IL1RAPL1: variants seen among roughly 807,000 people sequenced by gnomAD.
IL1RAPL1 encodes the protein interleukin-1 receptor accessory protein-like 1.
IL1RAPL1 carries 3 observed loss-of-function variants against 48.4 expected under a neutral mutation model. The observed-to-expected ratio is 0.06, with a 90% CI of 0.03 to 0.16. IL1RAPL1 has a LOEUF of 0.16. IL1RAPL1 is among the 10% of genes least tolerant of loss of function. IL1RAPL1 has a pLI of 1.00. For missense variants in IL1RAPL1, 349 were observed against 530.6 expected (o/e 0.66, Z 3.36); for synonymous variants, 185 against 187.7 (o/e 0.99, Z 0.12).
Position 29,405,119 on chromosome X carries a change from G to A in IL1RAPL1, c.703+5811G>A, listed in dbSNP as rs866222263. Reference sequence around the variant, plus strand: ...AGTAGAGACGGGGTTTCACCATGTTGGCCAGGATGGTCTTGATATCCTGAC... The same window carrying A: ...AGTAGAGACGGGGTTTCACCATGTTAGCCAGGATGGTCTTGATATCCTGAC... On this transcript the variant is annotated intron_variant, in intron 5 of 10. Coordinates refer to ENST00000378993, the MANE Select transcript of IL1RAPL1 (RefSeq NM_014271.4). Among the ~76,000 whole-genome samples the A allele has an allele frequency of 7.3e-5, 8 of 109,155 alleles. No homozygotes were observed. In the East Asian group the frequency reaches 8.8e-4, roughly 12 times the overall value. 94.8% of individuals were successfully genotyped at this position (109,155 alleles called of 115,157 possible). A position where few individuals can be genotyped will look rare whatever the true frequency, so the allele number is the denominator to read the frequency against.
chrX:29,013,367 A>G (rs1308832617), intron 2 of IL1RAPL1, among the ~76,000 whole-genome samples: 2 of 111,960 alleles, frequency 1.8e-5, no homozygotes, highest in Non-Finnish European at 3.8e-5. Context: ...ATTACTGGGT[A>G]TATATCCAAA....
chrX:29,848,028 A>G (rs1239451687), intron 6 of IL1RAPL1, among the ~76,000 whole-genome samples: 2 of 111,338 alleles, frequency 1.8e-5, no homozygotes, highest in Non-Finnish European at 3.8e-5. Context: ...TGAGAATTGT[A>G]TCAGTAGATA....
At chrX:28,748,757 T>C (rs1402830732) in intron 1 of IL1RAPL1, among the ~76,000 whole-genome samples, 2 of 111,669 alleles carry the variant, frequency 1.8e-5, no homozygotes, top group Non-Finnish European at 3.8e-5. Flanking sequence ...ACTTAGCATA[T>C]CCATAACCTC....
At chrX:29,898,310 ATG>A (rs756653378) in intron 6 of IL1RAPL1, among the ~76,000 whole-genome samples, 74 of 112,375 alleles carry the variant, frequency 6.6e-4, no homozygotes, top group African/African-American at 2.3e-3. Context: ...GCCACGGCAA[ATG>A]TAAGCTATCA....
intron 2 of IL1RAPL1, among the ~76,000 whole-genome samples, chrX:29,151,444 A>C (rs1929466081): frequency 9.0e-6 from 1 of 111,379 alleles, no homozygotes; most frequent in Non-Finnish European, 1.9e-5. Context: ...GCTGAATCCA[A>C]CTCTCTTAGT....
At chrX:29,569,422 A>G (rs1304029372) in intron 5 of IL1RAPL1, among the ~76,000 whole-genome samples, 1 of 111,276 alleles carries the variant, frequency 9.0e-6, no homozygotes, top group Non-Finnish European at 1.9e-5. Flanking sequence ...TATATTAACA[A>G]TAAGGTTTAT....
intron 3 of IL1RAPL1, among the ~76,000 whole-genome samples, chrX:29,336,403 A>G (rs1405206290): frequency 9.9e-6 from 1 of 101,324 alleles, no homozygotes; most frequent in Non-Finnish European, 2.0e-5. Context: ...TTTTGACCTT[A>G]TCTTTGAAAA....
intron 5 of IL1RAPL1, among the ~76,000 whole-genome samples, chrX:29,459,363 C>T (rs1934776773): frequency 9.0e-6 from 1 of 111,524 alleles, no homozygotes; most frequent in Non-Finnish European, 1.9e-5. Flanking sequence ...GTTTTCAGTA[C>T]CAGGATGAGG....
At chrX:29,809,873 G>A (rs919586840) in intron 6 of IL1RAPL1, among the ~76,000 whole-genome samples, 9 of 109,292 alleles carry the variant, frequency 8.2e-5, no homozygotes, top group Admixed American at 7.8e-4. Flanking sequence ...CCTTCAGTAA[G>A]GGTGTGTTGG....
intron 5 of IL1RAPL1, among the ~76,000 whole-genome samples, chrX:29,508,424 T>C (rs771158485): frequency 8.9e-6 from 1 of 112,173 alleles, no homozygotes; most frequent in African/African-American, 3.2e-5. Context: ...TGAAAATAAT[T>C]ATTTTTGTAA....
In IL1RAPL1 at chrX:29,949,605, T is replaced by C. The variant is rs1808700333; in HGVS notation, c.1202-4917T>C. 3.6e-5 allele frequency among the ~76,000 whole-genome samples: 4 copies of C among 112,123 alleles called. No individual in the cohort carries two copies. The South Asian group carries it at 1.5e-3, about 41-fold the overall frequency. Reference sequence around the variant, plus strand: ...TGAGAATAAAGCTCAGAATAAGAAATAGACTCTTGTACCAACCTATAACTA... The same window carrying C: ...TGAGAATAAAGCTCAGAATAAGAAACAGACTCTTGTACCAACCTATAACTA... On this transcript the variant is annotated intron_variant, in intron 9 of 10. Transcript: ENST00000378993.
chrX:29,485,381 G>A (rs968362899), intron 5 of IL1RAPL1, among the ~76,000 whole-genome samples: 3 of 111,729 alleles, frequency 2.7e-5, no homozygotes, highest in African/African-American at 9.8e-5. Flanking sequence ...TTGTTTGAAC[G>A]CTTGATGTGT....
chrX:29,575,573 C>T (rs1307446937), intron 5 of IL1RAPL1, among the ~76,000 whole-genome samples: 1 of 111,949 alleles, frequency 8.9e-6, no homozygotes, highest in Non-Finnish European at 1.9e-5. Flanking sequence ...GGTGCCCACC[C>T]ACATTGAGGG....
rs754912711 is a variant in IL1RAPL1 at position 29,276,283 on chromosome X, G to T, written c.83-6655G>T. 1.4e-4 allele frequency among the ~76,000 whole-genome samples: 16 copies of T among 111,995 alleles called. No individual in the cohort carries two copies. In the East Asian group the frequency reaches 4.5e-3, roughly 31 times the overall value. On this transcript the variant is annotated intron_variant, in intron 2 of 10. Transcript: ENST00000378993. ...CTATCAGTTTTTACCCAAATAGAGG[G>T]TTTTCCAGGAGACATACATGAGCTA...
At chrX:29,759,976 A>C (rs1369221719) in intron 6 of IL1RAPL1, among the ~76,000 whole-genome samples, 4 of 111,833 alleles carry the variant, frequency 3.6e-5, no homozygotes. Context: ...AAATCTTGAA[A>C]ATGGGGCAAA....
chrX:29,239,861 C>G (rs541322908), intron 2 of IL1RAPL1, among the ~76,000 whole-genome samples: 2 of 110,473 alleles, frequency 1.8e-5, no homozygotes, highest in African/African-American at 6.6e-5. Context: ...TTACCACATT[C>G]CCATGACTTA....
At chrX:29,494,190 C>G (rs144718079) in intron 5 of IL1RAPL1, among the ~76,000 whole-genome samples, 2,146 of 111,854 alleles carry the variant, frequency 0.019, 43 homozygotes, top group African/African-American at 0.065. Flanking sequence ...CGTAAGCCAC[C>G]GCGTCCGGCT....
At chrX:28,604,719 C>CAA (rs778056286) in intron 1 of IL1RAPL1, among the ~76,000 whole-genome samples, 26 of 27,874 alleles carry the variant, frequency 9.3e-4, no homozygotes, top group African/African-American at 2.2e-3. Flanking sequence ...GAGCGAGACT[C>CAA]AAAAAAAAAA....
intron 5 of IL1RAPL1, among the ~76,000 whole-genome samples, chrX:29,624,660 C>G: frequency 9.3e-6 from 1 of 107,571 alleles, no homozygotes; most frequent in East Asian, 2.9e-4. Context: ...GTGGGGGAAA[C>G]CCTGTTTTTT....
Sources: allele counts gnomAD v4.1 joint callset (sites outside exome capture counted in the v4.1 genomes callset), GRCh38; gene constraint gnomAD v4.1.1; transcripts MANE v1.5; gene names NCBI Gene and HGNC (gene_info 2026-07-23, HGNC 2026-07-21).